The following AGPAT3 variants were observed in gnomAD, a reference collection of about 807,000 sequenced individuals.
AGPAT3 encodes 1-acylglycerol-3-phosphate O-acyltransferase 3.
A neutral mutation model predicts 47.3 loss-of-function variants in AGPAT3; 5 were observed. The ratio of observed to expected loss-of-function variants is 0.11; its 90% confidence interval spans 0.06 to 0.22. The LOEUF is 0.22. AGPAT3 is among the 10% of genes least tolerant of loss of function. The pLI, the probability that AGPAT3 is intolerant of heterozygous loss-of-function variation, is 1.00. For synonymous variants in AGPAT3, 212 were observed against 208.3 expected (o/e 1.02, Z -0.15); for missense variants, 315 against 493.0 (o/e 0.64, Z 3.42).
intron 2 of AGPAT3, among the ~76,000 whole-genome samples, chr21:43,913,250 A>G (rs2086663572): frequency 1.3e-5 from 2 of 152,194 alleles, no homozygotes; most frequent in South Asian, 4.1e-4. Flanking sequence ...TTTTGCATTC[A>G]TAGTCATATG....
At chr21:43,896,005 TG>T (rs898999927) in intron 1 of AGPAT3, among the ~76,000 whole-genome samples, 2 of 152,206 alleles carry the variant, frequency 1.3e-5, no homozygotes, top group African/African-American at 2.4e-5. Context: ...TGACCTCAGG[TG>T]ATCCACCCAC....
At chr21:43,893,979 G>A (rs1474357219) in intron 1 of AGPAT3, among the ~76,000 whole-genome samples, 2 of 152,184 alleles carry the variant, frequency 1.3e-5, no homozygotes, top group Admixed American at 6.5e-5. Context: ...AAACGTGGCC[G>A]ATAGACTTGC....
intron 2 of AGPAT3, among the ~76,000 whole-genome samples, chr21:43,918,293 T>C (rs1236114323): frequency 3.3e-5 from 5 of 151,922 alleles, no homozygotes; most frequent in Non-Finnish European, 7.4e-5. Context: ...TAACAGCACT[T>C]TGGGTGTGGA....
chr21:43,977,898 AAG>A (rs2089680703), intron 7 of AGPAT3, 146 bp from the exon 8 acceptor site: 2 of 605,570 alleles, frequency 3.3e-6, no homozygotes, highest in South Asian at 2.2e-5. Flanking sequence ...AAAAAAAAAA[AAG>A]AAAAGAAAAG....
rs988403334 is a variant in AGPAT3 at position 43,981,393 on chromosome 21, G to A, written c.1042+206G>A. 11 of 619,530 alleles carry A rather than the reference G, an allele frequency of 1.8e-5. No homozygotes were observed. Among genetic ancestry groups the A allele is most frequent in the African/African-American group, 1.3e-4 (7 of 54,228 alleles). 38.4% of individuals were successfully genotyped at this position (619,530 alleles called of 1,614,324 possible). ...CTGAGGGTCGCCTCCCCAGAGAGCC[G>A]AACGGCCGCCACCTGGCGCCATCCC... On this transcript the variant is annotated intron_variant, in intron 9 of 9. Transcript: ENST00000291572. This position sits in a 1 kb window ranked among gnomAD's most constrained non-coding sequence, Gnocchi z 5.3.
chr21:43,977,344 T>G (rs1171030081), intron 7 of AGPAT3, among the ~76,000 whole-genome samples: 1 of 152,230 alleles, frequency 6.6e-6, no homozygotes, highest in Non-Finnish European at 1.5e-5. Context: ...CATGACTGTC[T>G]CTGAAGAATG....
chr21:43,946,769 A>T (rs2087909471), intron 2 of AGPAT3, among the ~76,000 whole-genome samples: 2 of 152,218 alleles, frequency 1.3e-5, no homozygotes, highest in African/African-American at 4.8e-5. Context: ...GTGTGCATGC[A>T]TGTATGTGTG....
intron 2 of AGPAT3, among the ~76,000 whole-genome samples, chr21:43,909,225 T>G (rs946561125): frequency 6.6e-6 from 1 of 151,854 alleles, no homozygotes; most frequent in Non-Finnish European, 1.5e-5. Flanking sequence ...TACAGGCCCC[T>G]CGGTCCATGG....
intron 6 of AGPAT3, among the ~76,000 whole-genome samples, chr21:43,971,147 C>T (rs1325491979): frequency 6.6e-6 from 1 of 152,180 alleles, no homozygotes; most frequent in Non-Finnish European, 1.5e-5. Context: ...ACACTCACAG[C>T]GTCAGTACCC....
At chr21:43,957,734 CT>C (rs1476271251) in intron 2 of AGPAT3, among the ~76,000 whole-genome samples, 1 of 140,248 alleles carries the variant, frequency 7.1e-6, no homozygotes, top group East Asian at 2.1e-4. Context: ...TGGTTTCCCC[CT>C]CCACACGGGG....
At chr21:43,885,604 A>C (rs2085957818) in intron 1 of AGPAT3, among the ~76,000 whole-genome samples, 1 of 151,992 alleles carries the variant, frequency 6.6e-6, no homozygotes, top group Non-Finnish European at 1.5e-5. Flanking sequence ...GGCTGGTCTC[A>C]AACTCCTGAC....
At chr21:43,898,345 T>G (rs2086275758) in intron 1 of AGPAT3, among the ~76,000 whole-genome samples, 1 of 152,206 alleles carries the variant, frequency 6.6e-6, no homozygotes, top group Admixed American at 6.5e-5. Context: ...CCTTTCATTT[T>G]CTGCCCTCCA....
chr21:43,921,792 C>T (rs544217774), intron 2 of AGPAT3, among the ~76,000 whole-genome samples: 35 of 149,250 alleles, frequency 2.3e-4, no homozygotes, highest in African/African-American at 8.6e-4. Context: ...TCTCTGAGCT[C>T]TTTTTTTTTT....
At chr21:43,890,275 C>T (rs1008975067) in intron 1 of AGPAT3, among the ~76,000 whole-genome samples, 44 of 152,256 alleles carry the variant, frequency 2.9e-4, no homozygotes, top group African/African-American at 1.0e-3. Context: ...TGAGACCGCG[C>T]GTCTGCTTCC....
In AGPAT3 at chr21:43,969,166, G is replaced by A; in HGVS notation, c.397G>A (p.Gly133Ser). Residue 133 changes from glycine to serine, a missense_variant, in exon 5 of 10, where the codon GGC becomes AGC. Transcript: ENST00000291572. ...KKELLYVPLIGWTWYFLEIVF... is the reference protein window; with the variant it reads ...KKELLYVPLISWTWYFLEIVF... ...GGAGCTGCTCTACGTGCCCCTCATCGGCTGGACGTGGTACTTTCTGGAGAT... is the reference window on the plus strand; with the variant it reads ...GGAGCTGCTCTACGTGCCCCTCATCAGCTGGACGTGGTACTTTCTGGAGAT... 4 of 1,614,204 alleles carry A rather than the reference G, an allele frequency of 2.5e-6. No individual in the cohort carries two copies. Among genetic ancestry groups the A allele is most frequent in the Non-Finnish European group, 3.4e-6 (4 of 1,180,028 alleles).
chr21:43,917,924 G>GTGGGTGT (rs2086779579), intron 2 of AGPAT3, among the ~76,000 whole-genome samples: 5 of 77,380 alleles, frequency 6.5e-5, no homozygotes, highest in African/African-American at 2.9e-4. Flanking sequence ...GTTGTAGGGG[G>GTGGGTGT]TGTGGGTGTT....
At chr21:43,938,887 G>C (rs568940137) in intron 2 of AGPAT3, among the ~76,000 whole-genome samples, 11 of 152,316 alleles carry the variant, frequency 7.2e-5, no homozygotes, top group East Asian at 3.9e-4. Context: ...GAAGCCTTGT[G>C]GGGGGAAGGA....
intron 7 of AGPAT3, among the ~76,000 whole-genome samples, chr21:43,974,860 G>A (rs1484843458): frequency 1.3e-5 from 2 of 152,202 alleles, no homozygotes; most frequent in African/African-American, 2.4e-5. Context: ...CTCACATGGC[G>A]TCTGTGGCAA....
chr21:43,897,105 CCTTCCG>C (rs965882989), intron 1 of AGPAT3, among the ~76,000 whole-genome samples: 3 of 151,684 alleles, frequency 2.0e-5, no homozygotes, highest in African/African-American at 7.3e-5. Flanking sequence ...GACCCTGCGG[CCTTCCG>C]CAGTGTTTGT....
Sources: gnomAD v4.1 joint callset for allele counts (sites outside exome capture counted in the v4.1 genomes callset) on GRCh38, gnomAD v4.1.1 for gene constraint, Gnocchi (gnomAD v3.1) non-coding constraint, MANE v1.5 for transcripts, NCBI Gene and HGNC (gene_info 2026-07-23, HGNC 2026-07-21) for gene names.